The following RBMS3 variants were observed in gnomAD, a reference collection of about 807,000 sequenced individuals.
RBMS3 encodes the protein RNA binding motif single stranded interacting protein 3.
RBMS3 carries 27 observed loss-of-function variants against 66.8 expected under a neutral mutation model. The observed-to-expected ratio is 0.40, with a 90% CI of 0.30 to 0.56. The LOEUF is 0.56. Ranked by LOEUF, RBMS3 falls within the 20% of genes least tolerant of loss-of-function variation. The pLI, the probability that RBMS3 is intolerant of heterozygous loss-of-function variation, is 0.40. For synonymous variants in RBMS3, 188 were observed against 183.0 expected (o/e 1.03, Z -0.22); for missense variants, 513 against 549.5 (o/e 0.93, Z 0.66).
intron 3 of RBMS3, among the ~76,000 whole-genome samples, chr3:29,515,712 C>A (rs115205815): frequency 0.014 from 2,136 of 152,292 alleles, 22 homozygotes; most frequent in South Asian, 0.036. Context: ...TGGTGTGTAC[C>A]TTTCACTTCC....
intron 12 of RBMS3, among the ~76,000 whole-genome samples, chr3:29,952,173 T>TTTCCCCA: frequency 6.6e-6 from 1 of 151,828 alleles, no homozygotes; most frequent in African/African-American, 2.4e-5. Context: ...CCTCTAACAT[T>TTTCCCCA]TTCCCCACCT....
At chr3:29,540,330 T>A (rs1273485740) in intron 3 of RBMS3, among the ~76,000 whole-genome samples, 1 of 152,228 alleles carries the variant, frequency 6.6e-6, no homozygotes, top group Admixed American at 6.5e-5. Flanking sequence ...AATTTGTTTA[T>A]ATTTCTTTAT....
At chr3:29,934,018 T>A (rs1025674888) in intron 10 of RBMS3, 3 of 152,056 alleles carry the variant, frequency 2.0e-5, no homozygotes, top group African/African-American at 7.2e-5. Flanking sequence ...CATATTGCCT[T>A]TAAAAAAAAC....
intron 4 of RBMS3, among the ~76,000 whole-genome samples, chr3:29,626,059 G>A (rs992349301): frequency 2.6e-5 from 4 of 152,162 alleles, no homozygotes; most frequent in Non-Finnish European, 5.9e-5. Context: ...TGTGATGGGT[G>A]CCTATGCTTA....
intron 3 of RBMS3, among the ~76,000 whole-genome samples, chr3:29,505,146 G>T (rs2044133337): frequency 6.6e-6 from 1 of 152,048 alleles, no homozygotes; most frequent in African/African-American, 2.4e-5. Flanking sequence ...CAATGTCACA[G>T]AGCTTTTCGG....
At chr3:29,294,497 C>T (rs1324483962) in intron 1 of RBMS3, among the ~76,000 whole-genome samples, 1 of 151,098 alleles carries the variant, frequency 6.6e-6, no homozygotes, top group Non-Finnish European at 1.5e-5. Context: ...AAAGTCAATA[C>T]ACGTGCCAAC....
intron 3 of RBMS3, among the ~76,000 whole-genome samples, chr3:29,574,913 C>A (rs1271532139): frequency 2.6e-5 from 4 of 151,574 alleles, no homozygotes; most frequent in South Asian, 4.2e-4. Flanking sequence ...TGCTTTTTAA[C>A]TTTTTGTTAT....
intron 3 of RBMS3, among the ~76,000 whole-genome samples, chr3:29,509,081 T>C (rs2044295749): frequency 6.6e-6 from 1 of 151,936 alleles, no homozygotes; most frequent in Non-Finnish European, 1.5e-5. Flanking sequence ...AAGTTCTTTG[T>C]AGATTCTAGA....
chr3:29,811,670 G>T (rs2057732712), intron 6 of RBMS3, among the ~76,000 whole-genome samples: 1 of 152,070 alleles, frequency 6.6e-6, no homozygotes, highest in Non-Finnish European at 1.5e-5. Context: ...ATTATACATT[G>T]CTCAGATAAT....
chr3:29,730,970 A>G, intron 4 of RBMS3: 1 of 985,394 alleles, frequency 1.0e-6, no homozygotes, highest in Non-Finnish European at 1.2e-6. Flanking sequence ...AAATCAAGGA[A>G]AGCCAGAGAT....
chr3:29,831,191 A>G (rs1337752847), intron 6 of RBMS3, among the ~76,000 whole-genome samples: 2 of 152,168 alleles, frequency 1.3e-5, no homozygotes, highest in Non-Finnish European at 2.9e-5. Context: ...TATGCTTTTT[A>G]CTTTAACTCT....
At chr3:29,875,459 A>G (rs2059591288) in intron 7 of RBMS3, among the ~76,000 whole-genome samples, 1 of 152,158 alleles carries the variant, frequency 6.6e-6, no homozygotes, top group Admixed American at 6.6e-5. Context: ...TAAAGATGAA[A>G]TATTACTTTA....
At chr3:29,522,436 G>A (rs1259920723) in intron 3 of RBMS3, among the ~76,000 whole-genome samples, 3 of 151,970 alleles carry the variant, frequency 2.0e-5, no homozygotes, top group African/African-American at 4.8e-5. Context: ...TCAGGTGATC[G>A]GCCCGCCTTT....
At chr3:29,387,109 T>C (rs1329777208) in intron 1 of RBMS3, among the ~76,000 whole-genome samples, 1 of 152,222 alleles carries the variant, frequency 6.6e-6, no homozygotes, top group Non-Finnish European at 1.5e-5. Flanking sequence ...TGGATATCTT[T>C]ATCTTCACTC....
At chr3:29,529,572 G>A (rs938592412) in intron 3 of RBMS3, among the ~76,000 whole-genome samples, 1 of 152,204 alleles carries the variant, frequency 6.6e-6, no homozygotes, top group African/African-American at 2.4e-5. Flanking sequence ...GATATACATA[G>A]AGTATATATA....
intron 5 of RBMS3, among the ~76,000 whole-genome samples, chr3:29,751,688 C>T (rs759024158): frequency 2.0e-5 from 3 of 152,284 alleles, no homozygotes; most frequent in East Asian, 1.9e-4. Flanking sequence ...TAAAGATTTA[C>T]TCAAATCATG....
intron 8 of RBMS3, among the ~76,000 whole-genome samples, chr3:29,890,533 A>T (rs188818223): frequency 3.3e-5 from 5 of 151,760 alleles, no homozygotes; most frequent in Admixed American, 2.0e-4. Context: ...TTATTGTTCA[A>T]CGTTGCTTAA....
At chr3:29,619,111 A>C (rs1338688436) in intron 4 of RBMS3, among the ~76,000 whole-genome samples, 1 of 152,086 alleles carries the variant, frequency 6.6e-6, no homozygotes, top group East Asian at 1.9e-4. Flanking sequence ...GAACACATGG[A>C]CACAGGGAGG....
At chr3:29,720,459 A>C (rs2053595650) in intron 4 of RBMS3, among the ~76,000 whole-genome samples, 1 of 152,110 alleles carries the variant, frequency 6.6e-6, no homozygotes, top group African/African-American at 2.4e-5. Context: ...CTTGTAACTG[A>C]CAGTGAAATA....
Sources: allele counts gnomAD v4.1 joint callset (sites outside exome capture counted in the v4.1 genomes callset), GRCh38; gene constraint gnomAD v4.1.1; transcripts MANE v1.5; gene names NCBI Gene and HGNC (gene_info 2026-07-23, HGNC 2026-07-21).